MICAL3: variants seen among roughly 807,000 people sequenced by gnomAD.
The protein encoded by MICAL3 is microtubule associated monooxygenase, calponin and LIM domain containing 3, also known as [F-actin]-monooxygenase MICAL3.
MICAL3 carries 62 observed loss-of-function variants against 207.4 expected under a neutral mutation model. The observed-to-expected ratio is 0.30, with a 90% confidence interval of 0.24 to 0.37. The LOEUF (loss-of-function observed/expected upper bound fraction) is 0.37, where lower values mean the gene tolerates loss of function less well. MICAL3 is among the 10% of genes least tolerant of loss of function. The probability of loss-of-function intolerance (pLI) is 1.00; values close to 1 mark genes in which losing one functional copy is unlikely to be tolerated. For missense variants in MICAL3, 2,368 were observed against 2,635.6 expected, an observed-to-expected ratio of 0.90 and a Z score of 2.22; for synonymous variants, 1,077 against 1,069.3, an observed-to-expected ratio of 1.01 and a Z score of -0.14.
intron 11 of MICAL3, 95 bp downstream of exon 11, chr22:17,893,713 C>T: frequency 1.1e-6 from 1 of 902,408 alleles, no homozygotes; most frequent in South Asian, 1.4e-5. Flanking sequence ...AGTACTTCGG[C>T]CACTGCCTCG....
In MICAL3 at chr22:17,895,351, C is replaced by T. The variant is rs544170590; in HGVS notation, c.1382G>A (p.Ser461Asn). 1 of 1,613,846 alleles carries T rather than the reference C, an allele frequency of 6.2e-7. No individual in the cohort carries two copies. Among genetic ancestry groups the T allele is most frequent in the African/African-American group, 1.3e-5 (1 of 75,016 alleles). ...AGTGACAGGGTCGATACTGTACTGG[C>T]TGAAGTTCTTACTCACATTCTCAGG... ...TTPENVSKNFSQYSIDPVTRY... is the reference protein window; with the variant it reads ...TTPENVSKNFNQYSIDPVTRY... Residue 461 changes from serine (S) to asparagine (N), a missense_variant, in exon 10 of 32, where the codon AGC (serine) becomes AAC (asparagine). Physicochemically the swap from Ser to Asn is conservative, Grantham distance 46 (BLOSUM62 1). Around this residue, in one of 4 missense-constraint regions of MICAL3, gnomAD observed 147 missense variants for 137.7 expected, o/e 1.07. Transcript: ENST00000441493.
At chr22:17,792,486 A>T (rs2061834260) in intron 29 of MICAL3, among the ~76,000 whole-genome samples, 1 of 152,156 alleles carries the variant, frequency 6.6e-6, no homozygotes, top group Admixed American at 6.5e-5. Context: ...GCCAGTTAAG[A>T]CAAGCCCAGG....
At position 17,872,974 on chromosome 22, in the gene MICAL3, G is replaced by C. The variant is rs1056389991; in HGVS notation, c.2242-951C>G. ...TTGGGAAGTGCAATTTGAATACAAG[G>C]TGCAGCAGCAAACCATGCCAACACA... On this transcript the variant is annotated intron_variant, in intron 16 of 31. Transcript: ENST00000441493. 6 of 700,976 alleles carry C rather than the reference G, an allele frequency of 8.6e-6. No homozygotes were observed. The Admixed American group carries it at 8.7e-5, about 10-fold the overall frequency. The allele number at this position is 700,976 out of a possible 1,614,324, so 43.4% of individuals were successfully genotyped here.
intron 1 of MICAL3, among the ~76,000 whole-genome samples, chr22:17,950,894 G>C (rs973230583): frequency 1.3e-5 from 2 of 152,162 alleles, no homozygotes; most frequent in Non-Finnish European, 2.9e-5. Flanking sequence ...ACAGCCTCTC[G>C]CCAAAGAATG....
At chr22:17,865,900 C>A (rs779856765) in intron 18 of MICAL3, 24 bp downstream of exon 18, 7 of 1,587,706 alleles carry the variant, frequency 4.4e-6, no homozygotes. Flanking sequence ...GCTTCTCCCC[C>A]ACTTACAGGA....
At chr22:17,928,986 G>C (rs1933074330) in intron 1 of MICAL3, among the ~76,000 whole-genome samples, 1 of 151,658 alleles carries the variant, frequency 6.6e-6, no homozygotes, top group African/African-American at 2.4e-5. Context: ...GTAGAGATGG[G>C]GTTTCACTGT....
chr22:17,942,557 C>A (rs9941945), intron 1 of MICAL3, among the ~76,000 whole-genome samples: 1 of 152,200 alleles, frequency 6.6e-6, no homozygotes, highest in Non-Finnish European at 1.5e-5. Flanking sequence ...GGCTTTCAGA[C>A]GCTCAGAGAC....
chr22:17,925,357 A>G (rs1379409440), intron 1 of MICAL3, among the ~76,000 whole-genome samples: 1 of 152,222 alleles, frequency 6.6e-6, no homozygotes, highest in Non-Finnish European at 1.5e-5. Flanking sequence ...TGATTGCAGT[A>G]TAACTTACAG....
In MICAL3 at chr22:17,841,800, C is replaced by T. The variant is rs879249776; in HGVS notation, c.2801+22G>A. 9 of 1,539,706 alleles carry T rather than the reference C, an allele frequency of 5.8e-6. No homozygotes were observed. The South Asian group carries it at 7.2e-5, about 12-fold the overall frequency. ...CTTAGGGCCGTGTGGCGGGTGGGCG[C>T]CCTGCAGCCCTGCGTGCTGACCTGC... is the stretch of plus-strand genomic sequence containing the variant. On this transcript the variant is annotated intron_variant, in intron 20 of 31. Coordinates refer to ENST00000441493, the MANE Select transcript of MICAL3 (RefSeq NM_015241.3). This position sits in a 1 kb window ranked among gnomAD's most constrained non-coding sequence, Gnocchi z 4.2.
At position 17,902,713 on chromosome 22, in the gene MICAL3, T is replaced by G. The variant is rs747044034; in HGVS notation, c.507A>C (p.Val169=). Residue 169 remains valine (V), a synonymous_variant, in exon 4 of 32, where the codon GTA becomes GTC. Transcript: ENST00000441493. The surrounding 1 kb of genome is among the most constrained non-coding windows in gnomAD (Gnocchi z 4.5). ...GGATTTCAATGCCTAGGATCAAGGC[T>G]ACTTTCAAAAGTATTAGTTGGAGCT... The part of the protein sequence containing the change: ...IRQLQLILLK[V]ALILGIEIHV... 8.7e-6 allele frequency: 14 copies of G among 1,603,924 alleles called. No individual in the cohort carries two copies. In the African/African-American group the frequency reaches 1.7e-4, roughly 20 times the overall value.
At chr22:17,976,907 C>T (rs886793300) in intron 1 of MICAL3, among the ~76,000 whole-genome samples, 7 of 151,310 alleles carry the variant, frequency 4.6e-5, no homozygotes, top group Non-Finnish European at 8.8e-5. Flanking sequence ...CCCAGGTTCA[C>T]GCCATTCTCC....
At chr22:17,843,600 T>A (rs12157680) in intron 19 of MICAL3, among the ~76,000 whole-genome samples, 17,897 of 152,170 alleles carry the variant, frequency 0.12, 1,938 homozygotes, top group African/African-American at 0.29. Context: ...GCACACATAC[T>A]CATGTGGGGG....
chr22:17,885,058 GC>G (rs761694475), intron 16 of MICAL3, among the ~76,000 whole-genome samples: 7 of 152,204 alleles, frequency 4.6e-5, no homozygotes, highest in Non-Finnish European at 8.8e-5. Flanking sequence ...CAAAATCCCA[GC>G]CCCGCCTCTT....
chr22:18,003,775 A>ATT (rs112926354), intron 1 of MICAL3, among the ~76,000 whole-genome samples: 5 of 143,214 alleles, frequency 3.5e-5, no homozygotes, highest in African/African-American at 1.0e-4. Flanking sequence ...CCCTTTCTTT[A>ATT]TTTTTTTTTT....
intron 16 of MICAL3, chr22:17,875,524 CA>C (rs866989310): frequency 2.0e-6 from 3 of 1,530,616 alleles, no homozygotes; most frequent in Non-Finnish European, 2.6e-6. Context: ...CACTGGTCGA[CA>C]AAAAATCGAC....
intron 28 of MICAL3, among the ~76,000 whole-genome samples, chr22:17,810,324 A>G (rs1472876564): frequency 2.6e-5 from 4 of 151,988 alleles, no homozygotes; most frequent in Non-Finnish European, 5.9e-5. Flanking sequence ...TGGCCTCCCA[A>G]AGTGCTGAGA....
At chr22:17,885,098 T>C (rs536230295) in intron 16 of MICAL3, among the ~76,000 whole-genome samples, 2 of 152,214 alleles carry the variant, frequency 1.3e-5, no homozygotes, top group East Asian at 1.9e-4. Flanking sequence ...TTTTAGACAA[T>C]CAAGGGGAGA....
intron 19 of MICAL3, among the ~76,000 whole-genome samples, chr22:17,846,264 C>A (rs1186653125): frequency 2.0e-5 from 3 of 152,196 alleles, no homozygotes; most frequent in Admixed American, 1.3e-4. Context: ...CACTGGCAGG[C>A]CATTGCCGGG....
intron 1 of MICAL3, among the ~76,000 whole-genome samples, chr22:17,917,970 C>T (rs752962021): frequency 1.3e-5 from 2 of 152,250 alleles, no homozygotes; most frequent in Non-Finnish European, 2.9e-5. Flanking sequence ...GAGCCTTCTC[C>T]TGCTGAGGTG....
Sources: gnomAD v4.1 joint callset for allele counts (sites outside exome capture counted in the v4.1 genomes callset) on GRCh38, gnomAD v4.1.1 for gene constraint, gnomAD v4.1.1 regional missense constraint, Gnocchi (gnomAD v3.1) non-coding constraint, MANE v1.5 for transcripts, NCBI Gene and HGNC (gene_info 2026-07-23, HGNC 2026-07-21) for gene names.